DPH6: variants seen among roughly 807,000 people sequenced by gnomAD.
DPH6 encodes diphthine--ammonia ligase.
A neutral mutation model predicts 38.2 loss-of-function variants in DPH6; 33 were observed. The observed-to-expected ratio is 0.86, with a 90% CI of 0.65 to 1.15. DPH6 has a LOEUF of 1.15. Ranked by LOEUF, DPH6 falls within the 50% of genes most tolerant of loss-of-function variation. The probability of loss-of-function intolerance (pLI) is 0.00; values close to 1 mark genes in which losing one functional copy is unlikely to be tolerated. For synonymous variants in DPH6, 108 were observed against 103.0 expected (o/e 1.05, Z -0.30); for missense variants, 325 against 320.0 (o/e 1.02, Z -0.12).
intron 5 of DPH6, among the ~76,000 whole-genome samples, chr15:35,430,639 T>C (rs2053621920): frequency 6.6e-6 from 1 of 152,158 alleles, no homozygotes; most frequent in Non-Finnish European, 1.5e-5. Context: ...CTGGGCTTTG[T>C]GCAATAACCA....
chr15:35,234,809 G>A (rs1013775283), intron 3 of DPH6, among the ~76,000 whole-genome samples: 1 of 152,202 alleles, frequency 6.6e-6, no homozygotes, highest in Non-Finnish European at 1.5e-5. Flanking sequence ...CTGGCTTGGT[G>A]CTTGGTGGTA....
chr15:35,345,120 G>T (rs948359688), intron 3 of DPH6, among the ~76,000 whole-genome samples: 3 of 151,802 alleles, frequency 2.0e-5, no homozygotes, highest in Non-Finnish European at 4.4e-5. Flanking sequence ...GACAATAGAA[G>T]TTAGAAGATA....
chr15:35,435,785 T>G (rs1179274385), intron 5 of DPH6, among the ~76,000 whole-genome samples: 2 of 151,638 alleles, frequency 1.3e-5, no homozygotes, highest in Non-Finnish European at 2.9e-5. Context: ...GAGGGGTGAG[T>G]AAAATGTGGA....
chr15:35,155,446 T>A, the DPH6 span, among the ~76,000 whole-genome samples: 6 of 152,322 alleles, frequency 3.9e-5, no homozygotes, highest in African/African-American at 1.4e-4. Flanking sequence ...AAGGGTTTCA[T>A]CCAATTTGAA....
downstream of DPH6, among the ~76,000 whole-genome samples, chr15:35,368,009 T>C (rs554939864): frequency 6.6e-6 from 1 of 152,018 alleles, no homozygotes; most frequent in South Asian, 2.1e-4. Context: ...GTTACAGAAT[T>C]TATGAAGATG....
intron 3 of DPH6, among the ~76,000 whole-genome samples, chr15:35,272,358 A>C (rs58983516): frequency 0.031 from 4,694 of 152,238 alleles, 212 homozygotes; most frequent in African/African-American, 0.1. Flanking sequence ...AACTAAGGAA[A>C]GACTTTATAT....
chr15:35,418,373 G>A (rs2053462218), intron 5 of DPH6, among the ~76,000 whole-genome samples: 1 of 152,054 alleles, frequency 6.6e-6, no homozygotes, highest in Admixed American at 6.6e-5. Flanking sequence ...ATTACTTTGA[G>A]TTACTAACAA....
intron 3 of DPH6, among the ~76,000 whole-genome samples, chr15:35,345,483 C>A (rs974275038): frequency 6.6e-6 from 1 of 151,740 alleles, no homozygotes; most frequent in African/African-American, 2.4e-5. Flanking sequence ...TTGTTGTTAT[C>A]TATTGCACAT....
chr15:35,149,768 G>A, the DPH6 span, among the ~76,000 whole-genome samples: 1 of 152,140 alleles, frequency 6.6e-6, no homozygotes, highest in African/African-American at 2.4e-5. Context: ...CAATTAATCA[G>A]TTATTTCTAT....
chr15:35,401,731 G>A, intron 6 of DPH6: 1 of 718,390 alleles, frequency 1.4e-6, no homozygotes, highest in Non-Finnish European at 2.6e-6. Flanking sequence ...GGTGGTTCCA[G>A]TAGCAGCGGT....
At chr15:35,237,370 G>A (rs1020426158) in intron 3 of DPH6, 18 of 1,600,336 alleles carry the variant, frequency 1.1e-5, no homozygotes, top group African/African-American at 1.1e-4. Flanking sequence ...GGAACAGGAC[G>A]CCCTCTGATG....
chr15:35,165,587 T>G, the DPH6 span, among the ~76,000 whole-genome samples: 1 of 151,894 alleles, frequency 6.6e-6, no homozygotes, highest in Non-Finnish European at 1.5e-5. Context: ...TGAAATTGAA[T>G]TTTTCAGCAC....
intron 3 of DPH6, among the ~76,000 whole-genome samples, chr15:35,476,738 A>T (rs533792625): frequency 6.6e-6 from 1 of 151,918 alleles, no homozygotes; most frequent in South Asian, 2.1e-4. Flanking sequence ...GGTGCAAGAC[A>T]AAGTGACTTG....
At chr15:35,181,257 T>G in the DPH6 span, among the ~76,000 whole-genome samples, 1 of 152,068 alleles carries the variant, frequency 6.6e-6, no homozygotes, top group African/African-American at 2.4e-5. Flanking sequence ...TACTCATGCC[T>G]GTGTTTACAT....
chr15:35,527,007 C>T (rs1258433975), intron 3 of DPH6, among the ~76,000 whole-genome samples: 1 of 152,118 alleles, frequency 6.6e-6, no homozygotes, highest in Non-Finnish European at 1.5e-5. Context: ...GTAGAAGGAT[C>T]AATTCAATCC....
intron 3 of DPH6, among the ~76,000 whole-genome samples, chr15:35,472,497 T>A (rs535082563): frequency 6.6e-6 from 1 of 152,214 alleles, no homozygotes; most frequent in East Asian, 1.9e-4. Context: ...TACCTCCAAC[T>A]GGCCAAATCC....
At chr15:35,399,477 C>T (rs945186045) in intron 6 of DPH6, among the ~76,000 whole-genome samples, 2 of 152,080 alleles carry the variant, frequency 1.3e-5, no homozygotes, top group African/African-American at 4.8e-5. Flanking sequence ...GGGAGGTACA[C>T]TAATGAAATA....
intron 7 of DPH6, among the ~76,000 whole-genome samples, chr15:35,377,960 C>T (rs1379331771): frequency 6.6e-6 from 1 of 151,826 alleles, no homozygotes; most frequent in East Asian, 1.9e-4. Flanking sequence ...GTCTCGAACT[C>T]CTGGCCTCAA....
At chr15:35,193,194 A>G in the DPH6 span, among the ~76,000 whole-genome samples, 1 of 152,132 alleles carries the variant, frequency 6.6e-6, no homozygotes, top group Non-Finnish European at 1.5e-5. Context: ...TGTATGGGAA[A>G]TAACAACATC....
Sources: allele counts gnomAD v4.1 joint callset (sites outside exome capture counted in the v4.1 genomes callset), GRCh38; gene constraint gnomAD v4.1.1; transcripts MANE v1.5; gene names NCBI Gene and HGNC (gene_info 2026-07-23, HGNC 2026-07-21).